Variants in JARID2 observed in about 807,000 individuals in gnomAD.
JARID2 encodes protein Jumonji.
In JARID2, 21 loss-of-function variants were observed where a neutral mutation model predicts 125.6. The observed-to-expected ratio is 0.17, with a 90% CI of 0.12 to 0.24. JARID2 has a LOEUF of 0.24. JARID2 is among the 10% of genes least tolerant of loss of function. The pLI is 1.00. For synonymous variants in JARID2, 736 were observed against 661.6 expected, an observed-to-expected ratio of 1.11 and a Z score of -1.73; for missense variants, 1,303 against 1,639.6, an observed-to-expected ratio of 0.79 and a Z score of 3.55.
intron 5 of JARID2, among the ~76,000 whole-genome samples, chr6:15,478,881 G>C (rs1769478187): frequency 6.6e-6 from 1 of 152,104 alleles, no homozygotes; most frequent in South Asian, 2.1e-4. Context: ...GTGTTGGCCA[G>C]GATGCTCTCC....
At chr6:15,323,847 G>A (rs1762438727) in intron 1 of JARID2, among the ~76,000 whole-genome samples, 1 of 151,714 alleles carries the variant, frequency 6.6e-6, no homozygotes, top group Non-Finnish European at 1.5e-5. Context: ...AGCTGATCGC[G>A]CCACTGTACT....
intron 1 of JARID2, among the ~76,000 whole-genome samples, chr6:15,317,433 TG>T (rs1762215648): frequency 6.6e-6 from 1 of 152,208 alleles, no homozygotes; most frequent in Non-Finnish European, 1.5e-5. Flanking sequence ...GTTTGAAATC[TG>T]GGGTGTTCAA....
At chr6:15,397,386 C>G (rs1765258276) in intron 2 of JARID2, among the ~76,000 whole-genome samples, 2 of 152,156 alleles carry the variant, frequency 1.3e-5, no homozygotes, top group African/African-American at 2.4e-5. Context: ...ACCTTGTACT[C>G]TCTTCTATCA....
At chr6:15,485,485 G>A (rs1464569465) in intron 5 of JARID2, among the ~76,000 whole-genome samples, 2 of 152,190 alleles carry the variant, frequency 1.3e-5, no homozygotes, top group African/African-American at 2.4e-5. Context: ...ACAGCCTTGT[G>A]ACTAGTCACT....
At chr6:15,435,547 G>C (rs913067603) in intron 3 of JARID2, among the ~76,000 whole-genome samples, 2 of 151,972 alleles carry the variant, frequency 1.3e-5, no homozygotes, top group African/African-American at 2.4e-5. Context: ...ACAAAAGTGG[G>C]GTCATTTCTC....
intron 4 of JARID2, among the ~76,000 whole-genome samples, chr6:15,453,079 C>T (rs1218896252): frequency 6.6e-6 from 1 of 152,190 alleles, no homozygotes; most frequent in Admixed American, 6.5e-5. Context: ...TCACTCAATA[C>T]ATTAGTGTGT....
rs191552179 is a variant in JARID2, at chr6:15,392,329, C to G, written c.182-17895C>G. On this transcript the variant is annotated intron_variant, in intron 2 of 17. Coordinates refer to ENST00000341776, the MANE Select transcript of JARID2 (RefSeq NM_004973.4). ...CAATCTCTATTTCCCCTTCTCCCCT[C>G]CCCTACAAGCTAGACTGATTACCAC... 3.9e-3 allele frequency among the ~76,000 whole-genome samples: 597 copies of G among 152,278 alleles called. 4 individuals are homozygous for G. The highest frequency in any genetic ancestry group is 0.024 in the Middle Eastern group (7 of 294).
intron 4 of JARID2, among the ~76,000 whole-genome samples, chr6:15,467,034 A>T (rs148714955): frequency 6.5e-4 from 99 of 152,340 alleles, no homozygotes; most frequent in African/African-American, 2.3e-3. Context: ...GCAGTTGCAT[A>T]TCCACTCAGT....
intron 1 of JARID2, among the ~76,000 whole-genome samples, chr6:15,369,100 G>C (rs890113653): frequency 2.0e-5 from 3 of 152,174 alleles, no homozygotes; most frequent in Non-Finnish European, 4.4e-5. Context: ...AAAGGCATGT[G>C]ATGTTATCAT....
intron 1 of JARID2, among the ~76,000 whole-genome samples, chr6:15,321,332 C>G (rs1257216327): frequency 6.7e-6 from 1 of 149,952 alleles, no homozygotes; most frequent in Admixed American, 6.6e-5. Flanking sequence ...CACTCTGTAA[C>G]TAAGGCTAAC....
At chr6:15,463,976 G>A (rs1768586626) in intron 4 of JARID2, among the ~76,000 whole-genome samples, 1 of 152,192 alleles carries the variant, frequency 6.6e-6, no homozygotes, top group Admixed American at 6.5e-5. Context: ...AAGCTGGTAT[G>A]TAGGTAAAGA....
intron 4 of JARID2, among the ~76,000 whole-genome samples, chr6:15,457,950 C>G (rs1281164947): frequency 6.6e-6 from 1 of 152,142 alleles, no homozygotes; most frequent in African/African-American, 2.4e-5. Context: ...AAAATTTCTA[C>G]AGGAAAGGAG....
chr6:15,401,983 A>G (rs1765457225), intron 2 of JARID2, among the ~76,000 whole-genome samples: 1 of 144,436 alleles, frequency 6.9e-6, no homozygotes, highest in Non-Finnish European at 1.5e-5. Flanking sequence ...AGGGCAGTTG[A>G]TTTCTTGATA....
chr6:15,351,819 G>A (rs777581329), intron 1 of JARID2, among the ~76,000 whole-genome samples: 1 of 152,260 alleles, frequency 6.6e-6, no homozygotes, highest in Non-Finnish European at 1.5e-5. Context: ...TTGGCAGGGA[G>A]CAATGGCCTG....
At position 15,410,233 on chromosome 6, in the gene JARID2, G is replaced by T; in HGVS notation, c.191G>T (p.Gly64Val). 1 of 1,613,870 alleles carries T rather than the reference G, an allele frequency of 6.2e-7. No homozygotes were observed. Among genetic ancestry groups the T allele is most frequent in the Non-Finnish European group, 8.5e-7 (1 of 1,179,834 alleles). ...GSLKTVNGLLGNDQSKGLGPA... is the reference protein window; with the variant it reads ...GSLKTVNGLLVNDQSKGLGPA... ...CTTTTCTCACCTGTAGGGCTCCTTGGTAATGACCAGTCTAAGGGATTAGGA... is the reference window on the plus strand; with the variant it reads ...CTTTTCTCACCTGTAGGGCTCCTTGTTAATGACCAGTCTAAGGGATTAGGA... Residue 64 changes from glycine (G) to valine (V), a missense_variant, in exon 3 of 18, where the codon GGT (glycine) becomes GTT (valine). Physicochemically the swap from Gly to Val is moderately radical, Grantham distance 109. This residue lies in a region of JARID2 where 93 missense variants were observed against 120.4 expected (regional missense o/e 0.77). Transcript: ENST00000341776.
chr6:15,428,929 A>AAC (rs1766847732), intron 3 of JARID2, among the ~76,000 whole-genome samples: 2 of 83,976 alleles, frequency 2.4e-5, no homozygotes. Flanking sequence ...AAAAAAAACA[A>AAC]ACCCCCCCCC....
At chr6:15,277,712 A>G (rs980950397) in intron 1 of JARID2, among the ~76,000 whole-genome samples, 2 of 151,850 alleles carry the variant, frequency 1.3e-5, no homozygotes, top group African/African-American at 4.8e-5. Flanking sequence ...GTTTAAAAGT[A>G]GTTATGAAAG....
At chr6:15,247,881 G>A in intron 1 of JARID2, 1 of 985,396 alleles carries the variant, frequency 1.0e-6, no homozygotes, top group Non-Finnish European at 1.2e-6. Context: ...AGAATGCAAA[G>A]GACTAGTTTA....
intron 1 of JARID2, among the ~76,000 whole-genome samples, chr6:15,354,525 C>T (rs1581447630): frequency 1.3e-5 from 2 of 152,140 alleles, no homozygotes; most frequent in African/African-American, 4.8e-5. Flanking sequence ...GATGTTACTG[C>T]TTAAGTAACA....
Sources: gnomAD v4.1 joint callset for allele counts (sites outside exome capture counted in the v4.1 genomes callset) on GRCh38, gnomAD v4.1.1 for gene constraint, gnomAD v4.1.1 regional missense constraint, MANE v1.5 for transcripts, NCBI Gene and HGNC (gene_info 2026-07-23, HGNC 2026-07-21) for gene names.